The following HEATR5B variants were observed in gnomAD, a reference collection of about 807,000 sequenced individuals.
HEATR5B encodes HEAT repeat containing 5B, also known as HEAT repeat-containing protein 5B.
In HEATR5B, 156 loss-of-function variants were observed where a neutral mutation model predicts 224.1. That is an observed-to-expected ratio of 0.70 (90% CI 0.61 to 0.80). HEATR5B has a LOEUF of 0.80. Among genes scored for constraint, HEATR5B ranks in the 30% least tolerant of loss-of-function variants. The probability of loss-of-function intolerance (pLI) is 0.00; values close to 1 mark genes in which losing one functional copy is unlikely to be tolerated. For missense variants in HEATR5B, 2,323 were observed against 2,535.5 expected, an observed-to-expected ratio of 0.92 and a Z score of 1.80; for synonymous variants, 1,027 against 893.0, an observed-to-expected ratio of 1.15 and a Z score of -2.68.
intron 3 of HEATR5B, among the ~76,000 whole-genome samples, chr2:37,077,466 T>A (rs1277185701): frequency 6.6e-6 from 1 of 152,130 alleles, no homozygotes; most frequent in East Asian, 1.9e-4. Flanking sequence ...ATGCCACCAT[T>A]CCCAGCTCAT....
At chr2:37,044,578 A>C (rs1172791191) in intron 18 of HEATR5B, among the ~76,000 whole-genome samples, 1 of 152,226 alleles carries the variant, frequency 6.6e-6, no homozygotes, top group African/African-American at 2.4e-5. Flanking sequence ...GTTTGAGTAC[A>C]AGTGTTTGTA....
Position 37,007,176 on chromosome 2 carries a change from C to T in HEATR5B, c.4651G>A (p.Glu1551Lys). Reference protein sequence around the residue: ...STGFTCSESTEAAAISGLQKR... With the variant: ...STGFTCSESTKAAAISGLQKR... Reference sequence around the variant, plus strand: ...TGTAAACCAGATATTGCTGCTGCTTCTGTAGACTCTGAGCACGTAAATCCT... The same window carrying T: ...TGTAAACCAGATATTGCTGCTGCTTTTGTAGACTCTGAGCACGTAAATCCT... Residue 1551 changes from glutamate to lysine, a missense_variant, in exon 29 of 36, where the codon GAA becomes AAA. Physicochemically the swap from Glu to Lys is moderately conservative, Grantham distance 56. Around this residue, in one of 12 missense-constraint regions of HEATR5B, gnomAD observed 844 missense variants for 812.9 expected, o/e 1.04. Transcript: ENST00000233099. 6.2e-7 allele frequency: 1 copy of T among 1,614,108 alleles called. No homozygotes were observed. The highest frequency in any genetic ancestry group is 1.6e-4 in the Middle Eastern group (1 of 6,062).
At chr2:36,989,829 T>C (rs1666198380) in intron 34 of HEATR5B, among the ~76,000 whole-genome samples, 2 of 150,182 alleles carry the variant, frequency 1.3e-5, no homozygotes, top group South Asian at 4.2e-4. Flanking sequence ...ATTTTAAATA[T>C]ACAGATCTTG....
intron 21 of HEATR5B, among the ~76,000 whole-genome samples, chr2:37,033,360 T>A (rs1026427407): frequency 6.6e-6 from 1 of 152,160 alleles, no homozygotes; most frequent in Non-Finnish European, 1.5e-5. Flanking sequence ...TCATACAATA[T>A]ACTTAAATGA....
At chr2:37,045,423 T>A (rs192138997) in intron 18 of HEATR5B, among the ~76,000 whole-genome samples, 60 of 152,318 alleles carry the variant, frequency 3.9e-4, no homozygotes, top group Non-Finnish European at 7.1e-4. Flanking sequence ...GCTTTTAAGC[T>A]TTTTTAGGGT....
At chr2:37,004,971 T>C (rs2148385915) in intron 30 of HEATR5B, among the ~76,000 whole-genome samples, 1 of 152,280 alleles carries the variant, frequency 6.6e-6, no homozygotes, top group East Asian at 1.9e-4. Context: ...GACAGAATGA[T>C]CCTTCTGAAA....
intron 26 of HEATR5B, among the ~76,000 whole-genome samples, chr2:37,017,302 T>C (rs564431705): frequency 6.6e-6 from 1 of 151,976 alleles, no homozygotes; most frequent in East Asian, 1.9e-4. Context: ...GGAGAATTGC[T>C]TGATTGCTTG....
chr2:37,051,378 A>AG, intron 17 of HEATR5B, among the ~76,000 whole-genome samples: 1 of 141,512 alleles, frequency 7.1e-6, no homozygotes, highest in South Asian at 2.2e-4. Context: ...AAAAAAAAAA[A>AG]GGTAAAAATA....
At chr2:37,019,284 A>G in intron 26 of HEATR5B, among the ~76,000 whole-genome samples, 1 of 152,314 alleles carries the variant, frequency 6.6e-6, no homozygotes, top group Non-Finnish European at 1.5e-5. Flanking sequence ...AATTCTCCTT[A>G]GTATGATTTA....
In HEATR5B at chr2:37,005,686, G is replaced by A. The variant is rs761831177; in HGVS notation, c.4851C>T (p.Ala1617=). 2 of 1,612,682 alleles carry A rather than the reference G, an allele frequency of 1.2e-6. No homozygotes were observed. Among genetic ancestry groups the A allele is most frequent in the African/African-American group, 2.7e-5 (2 of 74,866 alleles). ...AAGGGGAGTCTAGCAAGGTATGTAA[G>A]GCCTGCAGGCATGCTGTAACATGTT... is the stretch of plus-strand genomic sequence containing the variant. The part of the protein sequence containing the change: ...PIEHVTACLQ[A]LHTLLDSPYA... Residue 1617 remains alanine, a synonymous_variant, in exon 30 of 36, where the codon GCC becomes GCT. Transcript: ENST00000233099.
At chr2:37,058,424 A>C in intron 14 of HEATR5B, 27 bp downstream of exon 14, 1 of 1,355,956 alleles carries the variant, frequency 7.4e-7, no homozygotes, top group Non-Finnish European at 1.1e-6. Context: ...AAAAATTTTT[A>C]TCAGATACCA....
chr2:37,048,405 G>C (rs999839582), intron 18 of HEATR5B, among the ~76,000 whole-genome samples: 3 of 151,920 alleles, frequency 2.0e-5, no homozygotes, highest in African/African-American at 4.8e-5. Flanking sequence ...GGCTGATCCA[G>C]AATTCTTGGG....
chr2:37,083,299 G>A lies in HEATR5B; in HGVS notation c.116C>T (p.Ala39Val), dbSNP rs1347498517. 2.5e-6 allele frequency: 4 copies of A among 1,614,032 alleles called. No individual in the cohort carries two copies. The African/African-American group carries it at 4.0e-5, about 16-fold the overall frequency. The change falls in exon 2 of 36, where the codon GCT (alanine) becomes GTT (valine). Residue 39 changes from alanine to valine, a missense_variant. Transcript: ENST00000233099. ...WLRFLDKVLV[A>V]ANKTDVKEKQ... ...AGAGCAATACCATACCTTGTTGGCA[G>A]CAACCAAGACTTTATCAAGAAATCG...
chr2:36,989,942 G>A (rs1666213586), intron 34 of HEATR5B, among the ~76,000 whole-genome samples: 2 of 113,362 alleles, frequency 1.8e-5, no homozygotes, highest in Non-Finnish European at 3.3e-5. Flanking sequence ...GTCTCACACT[G>A]TTGCCCAGGC....
chr2:37,022,727 T>C (rs1668541362), intron 24 of HEATR5B, among the ~76,000 whole-genome samples: 1 of 152,242 alleles, frequency 6.6e-6, no homozygotes, highest in Middle Eastern at 3.2e-3. Flanking sequence ...GGAAATGTTT[T>C]TCCTTTTAGC....
intron 33 of HEATR5B, among the ~76,000 whole-genome samples, chr2:36,994,129 A>G (rs1214237238): frequency 6.6e-6 from 1 of 152,222 alleles, no homozygotes; most frequent in Admixed American, 6.6e-5. Flanking sequence ...CAGATGGTTC[A>G]GCAAAATTAA....
chr2:37,006,929 C>A, intron 29 of HEATR5B, 121 bp downstream of exon 29: 1 of 852,590 alleles, frequency 1.2e-6, no homozygotes, highest in South Asian at 2.2e-5. Flanking sequence ...GGTGAAAAAT[C>A]CTTTCACTTT....
intron 35 of HEATR5B, among the ~76,000 whole-genome samples, chr2:36,984,215 A>AATATATATATATATATAT (rs60636196): frequency 7.7e-5 from 6 of 77,606 alleles, no homozygotes; most frequent in East Asian, 1.2e-3. Flanking sequence ...AAAAAAAAAA[A>AATATATATATATATATAT]ATATATATAT....
intron 24 of HEATR5B, among the ~76,000 whole-genome samples, chr2:37,026,339 C>CAGA (rs1230513661): frequency 2.6e-5 from 4 of 152,194 alleles, no homozygotes; most frequent in African/African-American, 9.7e-5. Context: ...TTCTGACCTA[C>CAGA]AGAACTGTAA....
Sources: allele counts gnomAD v4.1 joint callset (sites outside exome capture counted in the v4.1 genomes callset), GRCh38; gene constraint gnomAD v4.1.1; regional missense constraint gnomAD v4.1.1; transcripts MANE v1.5; gene names NCBI Gene and HGNC (gene_info 2026-07-23, HGNC 2026-07-21).